The following EMC10 variants were observed in gnomAD, a reference collection of about 807,000 sequenced individuals.
EMC10 encodes ER membrane protein complex subunit 10.
EMC10 carries 40 observed loss-of-function variants against 32.2 expected under a neutral mutation model. That is an observed-to-expected ratio of 1.24 (90% confidence interval 0.96 to 1.61). EMC10 has a LOEUF of 1.61. Ranked by LOEUF, EMC10 falls within the 40% of genes most tolerant of loss-of-function variation. The pLI is 0.00. For missense variants in EMC10, 402 were observed against 357.7 expected (o/e 1.12, Z -1.00); for synonymous variants, 178 against 158.4 (o/e 1.12, Z -0.93).
rs1313834081 is a variant in EMC10 at position 50,484,699 on chromosome 19, A to AT, written c.*2442dup. On this transcript the variant is annotated 3_prime_UTR_variant, in exon 7 of 7. Coordinates refer to ENST00000334976, the MANE Select transcript of EMC10 (RefSeq NM_206538.4). ...TAGAGTAGGTTGGCCAGGCATAGTG[A>AT]TTCATGCTTGTAGTCCCAGCTGTTT... 2.6e-5 allele frequency: 4 copies of AT among 152,130 alleles called. No individual in the cohort carries two copies. The highest frequency in any genetic ancestry group is 5.9e-5 in the Non-Finnish European group (4 of 68,040). The allele number at this position is 152,130 out of a possible 1,614,324, so 9.4% of individuals were successfully genotyped here.
chr19:50,490,802 A>T lies in EMC10; in HGVS notation c.*8543A>T, dbSNP rs1283373965. ...GATGGCAGAGGCTTCGCTGCTGGAA[A>T]ATCAGACGCAGAGTACGAAACGCCT... On this transcript the variant is annotated 3_prime_UTR_variant, in exon 7 of 7. Transcript: ENST00000334976. 3 of 152,186 alleles carry T rather than the reference A, an allele frequency of 2.0e-5. No individual in the cohort carries two copies. Among genetic ancestry groups the T allele is most frequent in the Non-Finnish European group, 4.4e-5 (3 of 68,036 alleles). The allele number at this position is 152,186 out of a possible 1,614,324, so 9.4% of individuals were successfully genotyped here.
chr19:50,483,352 G>A lies in EMC10; in HGVS notation c.*1093G>A. On this transcript the variant is annotated 3_prime_UTR_variant, in exon 7 of 7. Coordinates refer to ENST00000334976, the MANE Select transcript of EMC10 (RefSeq NM_206538.4). ...AAACTGTCCCCCAGATCGACACGCA[G>A]CTAGCCTCCTGCATTGTATGGTTAT... 3.0e-6 allele frequency: 1 copy of A among 331,406 alleles called. No homozygotes were observed. Among genetic ancestry groups the A allele is most frequent in the South Asian group, 2.4e-5 (1 of 41,728 alleles). The allele number at this position is 331,406 out of a possible 1,614,324, so 20.5% of individuals were successfully genotyped here. A position where few individuals can be genotyped will look rare whatever the true frequency, so the allele number is the denominator to read the frequency against.
Position 50,482,298 on chromosome 19 carries a change from G to C in EMC10, c.*39G>C. The C allele has an allele frequency of 1.2e-6, 1 of 850,952 alleles. No homozygotes were observed. Among genetic ancestry groups the C allele is most frequent in the Non-Finnish European group, 1.9e-6 (1 of 530,222 alleles). 52.7% of individuals were successfully genotyped at this position (850,952 alleles called of 1,614,324 possible). Reference sequence around the variant, plus strand: ...TCAGCGTCCCGTCTTGCACACCCAGGGGCCTCCCTTTCTGCTGGAGTCCCC... The same window carrying C: ...TCAGCGTCCCGTCTTGCACACCCAGCGGCCTCCCTTTCTGCTGGAGTCCCC... On this transcript the variant is annotated 3_prime_UTR_variant, in exon 7 of 7. Transcript: ENST00000334976.
Position 50,483,448 on chromosome 19 carries a change from A to G in EMC10, c.*1189A>G. ...GGTTTGAATGATCTCGGGATGCATG[A>G]CTAAAATGGAATTACGATGGCAGAT... On this transcript the variant is annotated 3_prime_UTR_variant, in exon 7 of 7. Coordinates refer to ENST00000334976, the MANE Select transcript of EMC10 (RefSeq NM_206538.4). The G allele has an allele frequency of 5.8e-6, 1 of 171,936 alleles. No homozygotes were observed. The highest frequency in any genetic ancestry group is 1.2e-4 in the South Asian group (1 of 8,304). The allele number at this position is 171,936 out of a possible 1,614,324, so 10.7% of individuals were successfully genotyped here.
chr19:50,479,101 G>C, intron 3 of EMC10, 35 bp downstream of exon 3: 1 of 1,514,512 alleles, frequency 6.6e-7, no homozygotes, highest in East Asian at 2.4e-5. Context: ...GTGTGGATGG[G>C]GATGGAGGGT....
Position 50,483,260 on chromosome 19 carries a change from C to G in EMC10, c.*1001C>G. On this transcript the variant is annotated 3_prime_UTR_variant, in exon 7 of 7. Transcript: ENST00000334976. ...TCACTTGATACGTTATTCAGAAACC[C>G]AAGGAATGGCTGTCCCCATCCTCAT... 2.6e-6 allele frequency: 1 copy of G among 388,300 alleles called. No homozygotes were observed. The highest frequency in any genetic ancestry group is 5.3e-6 in the Non-Finnish European group (1 of 188,806). 24.1% of individuals were successfully genotyped at this position (388,300 alleles called of 1,614,324 possible). A position where few individuals can be genotyped will look rare whatever the true frequency, so the allele number is the denominator to read the frequency against.
rs773663513 is a variant in EMC10 at position 50,480,884 on chromosome 19, C to G, written c.585C>G (p.Gly195=). 25 of 1,604,472 alleles carry G rather than the reference C, an allele frequency of 1.6e-5. No individual in the cohort carries two copies. The East Asian group carries it at 4.7e-4, about 30-fold the overall frequency. ...TTCTCCTCCTCTCCCCTTGCCCCAG[C>G]CCTGAGACGGCGGCCTTCATTGAGC... ...VQLQPPTTAP[G]PETAAFIERL... The change falls in exon 6 of 7, where the codon GGC becomes GGG. Residue 195 remains glycine, a splice_region_variant and synonymous_variant. Coordinates refer to ENST00000334976, the MANE Select transcript of EMC10 (RefSeq NM_206538.4). The surrounding 1 kb of genome is among the most constrained non-coding windows in gnomAD (Gnocchi z 4.4).
At position 50,487,338 on chromosome 19, in the gene EMC10, G is replaced by A. The variant is rs1456855452; in HGVS notation, c.*5079G>A. 6.6e-6 allele frequency: 1 copy of A among 152,264 alleles called. No homozygotes were observed. The highest frequency in any genetic ancestry group is 1.5e-5 in the Non-Finnish European group (1 of 68,078). The allele number at this position is 152,264 out of a possible 1,614,324, so 9.4% of individuals were successfully genotyped here. On this transcript the variant is annotated 3_prime_UTR_variant, in exon 7 of 7. Transcript: ENST00000334976. Reference sequence around the variant, plus strand: ...AGGCCAGGGATCGGCAGATTCAGGAGCCCACTCCTGGCCAACCCCAGGGGC... The same window carrying A: ...AGGCCAGGGATCGGCAGATTCAGGAACCCACTCCTGGCCAACCCCAGGGGC...
Position 50,480,858 on chromosome 19 carries a change from C to T in EMC10, c.585-26C>T, listed in dbSNP as rs745422496. ...AGGTCCCTGGACTCCGGGCCTCACCCTTCTCCTCCTCTCCCCTTGCCCCAG... is the reference window on the plus strand; with the variant it reads ...AGGTCCCTGGACTCCGGGCCTCACCTTTCTCCTCCTCTCCCCTTGCCCCAG... On this transcript the variant is annotated intron_variant, in intron 5 of 6. Coordinates refer to ENST00000334976, the MANE Select transcript of EMC10 (RefSeq NM_206538.4). This position sits in a 1 kb window ranked among gnomAD's most constrained non-coding sequence, Gnocchi z 4.4. 7 of 1,584,632 alleles carry T rather than the reference C, an allele frequency of 4.4e-6. No individual in the cohort carries two copies. The highest frequency in any genetic ancestry group is 4.3e-6 in the Non-Finnish European group (5 of 1,162,204).
In EMC10 at chr19:50,482,860, G is replaced by A. The variant is rs142322512; in HGVS notation, c.*601G>A. On this transcript the variant is annotated 3_prime_UTR_variant, in exon 7 of 7. Coordinates refer to ENST00000334976, the MANE Select transcript of EMC10 (RefSeq NM_206538.4). Reference sequence around the variant, plus strand: ...CGCCTAGTGCAGCCCCTGGGGTCGTGGTTTGACATTTGTCTGCCTGGTGCA... The same window carrying A: ...CGCCTAGTGCAGCCCCTGGGGTCGTAGTTTGACATTTGTCTGCCTGGTGCA... The A allele has an allele frequency of 7.0e-4, 382 of 547,542 alleles. 2 individuals are homozygous for A. Among genetic ancestry groups the A allele is most frequent in the African/African-American group, 6.5e-3 (338 of 52,340 alleles). The allele number at this position is 547,542 out of a possible 1,614,324, so 33.9% of individuals were successfully genotyped here. A position where few individuals can be genotyped will look rare whatever the true frequency, so the allele number is the denominator to read the frequency against.
rs1221701159 is a variant in EMC10 at position 50,490,848 on chromosome 19, A to G, written c.*8589A>G. On this transcript the variant is annotated 3_prime_UTR_variant, in exon 7 of 7. Coordinates refer to ENST00000334976, the MANE Select transcript of EMC10 (RefSeq NM_206538.4). ...CGCCTGTGCTCACTATGTTAATAAT[A>G]ATAATAAAAGGCAAAAAACCAGGCT... The G allele has an allele frequency of 6.6e-6, 1 of 152,120 alleles. No homozygotes were observed. The highest frequency in any genetic ancestry group is 2.4e-5 in the African/African-American group (1 of 41,408). The allele number at this position is 152,120 out of a possible 1,614,324, so 9.4% of individuals were successfully genotyped here.
At chr19:50,481,875 G>T (rs754075492) in intron 6 of EMC10, 250 of 1,575,292 alleles carry the variant, frequency 1.6e-4, no homozygotes, top group Non-Finnish European at 2.0e-4. Flanking sequence ...ACATCATCCT[G>T]GGGGGGGCCG....
rs562753661 is a variant in EMC10, at chr19:50,477,910, C to T, written c.115-19C>T. The T allele has an allele frequency of 5.5e-5, 87 of 1,592,112 alleles. No individual in the cohort carries two copies. The South Asian group carries it at 9.5e-4, about 17-fold the overall frequency. On this transcript the variant is annotated intron_variant, in intron 1 of 6. Transcript: ENST00000334976. ...GGGCTTGGGTGGTCCTCACCTGGGG[C>T]CTTCTGTGTCCTCTGCAGGCTGGGG...
intron 1 of EMC10, 48 bp from the exon 2 acceptor site, chr19:50,477,881 C>T: frequency 6.6e-7 from 1 of 1,515,282 alleles, no homozygotes; most frequent in Non-Finnish European, 9.0e-7. Flanking sequence ...GACTACTATG[C>T]TGAGGGCTTG....
Position 50,480,456 on chromosome 19 carries a change from G to T in EMC10, c.403-125G>T. ...GGGGCGGTTGAACTTGGGCCTGAGG[G>T]TAACAGGGAGCCATGGGAAGGTTTT... On this transcript the variant is annotated intron_variant, in intron 4 of 6. Coordinates refer to ENST00000334976, the MANE Select transcript of EMC10 (RefSeq NM_206538.4). This position sits in a 1 kb window ranked among gnomAD's most constrained non-coding sequence, Gnocchi z 4.4. 2 of 1,219,982 alleles carry T rather than the reference G, an allele frequency of 1.6e-6. No individual in the cohort carries two copies. Among genetic ancestry groups the T allele is most frequent in the African/African-American group, 1.5e-5 (1 of 65,832 alleles). The allele number at this position is 1,219,982 out of a possible 1,614,324, so 75.6% of individuals were successfully genotyped here. A position where few individuals can be genotyped will look rare whatever the true frequency, so the allele number is the denominator to read the frequency against.
In EMC10 at chr19:50,484,184, C is replaced by T. The variant is rs1019634673; in HGVS notation, c.*1925C>T. ...CGGGGATTGCAGGCGCCCGCCAACA[C>T]ACCTGGCTAATTTTTGTATTGTTAG... On this transcript the variant is annotated 3_prime_UTR_variant, in exon 7 of 7. Transcript: ENST00000334976. 1.3e-5 allele frequency: 2 copies of T among 151,950 alleles called. No individual in the cohort carries two copies. The highest frequency in any genetic ancestry group is 1.3e-4 in the Admixed American group (2 of 15,238). The allele number at this position is 151,950 out of a possible 1,614,324, so 9.4% of individuals were successfully genotyped here.
At chr19:50,481,662 C>T in intron 6 of EMC10, 1 of 576,890 alleles carries the variant, frequency 1.7e-6, no homozygotes, top group East Asian at 3.0e-5. Context: ...CCCTGCTGTG[C>T]TGAGTGCCCT....
Position 50,480,698 on chromosome 19 carries a change from G to C in EMC10, c.520G>C (p.Glu174Gln). ...HPGGCRGHEV[E>Q]DVDLELFNTS... Reference sequence around the variant, plus strand: ...CGGGGGCTGCCGGGGCCATGAGGTGGAGGACGTGGACCTGGAGCTGTTCAA... The same window carrying C: ...CGGGGGCTGCCGGGGCCATGAGGTGCAGGACGTGGACCTGGAGCTGTTCAA... Residue 174 changes from glutamate (E) to glutamine (Q), a missense_variant, in exon 5 of 7, where the codon GAG becomes CAG. Physicochemically the swap from Glu to Gln is conservative, Grantham distance 29 (BLOSUM62 2). Transcript: ENST00000334976. The surrounding 1 kb of genome is among the most constrained non-coding windows in gnomAD (Gnocchi z 4.4). 1 of 1,604,822 alleles carries C rather than the reference G, an allele frequency of 6.2e-7. No individual in the cohort carries two copies. The highest frequency in any genetic ancestry group is 8.5e-7 in the Non-Finnish European group (1 of 1,176,820).
rs2040310404 is a variant in EMC10 at position 50,480,931 on chromosome 19, A to C, written c.632A>C (p.Gln211Pro). 1 of 1,613,012 alleles carries C rather than the reference A, an allele frequency of 6.2e-7. No individual in the cohort carries two copies. The change falls in exon 6 of 7, where the codon CAG becomes CCG. Residue 211 changes from glutamine to proline, a missense_variant. Physicochemically the swap from Gln to Pro is moderately conservative, Grantham distance 76. Transcript: ENST00000334976. The surrounding 1 kb of genome is among the most constrained non-coding windows in gnomAD (Gnocchi z 4.4). Reference sequence around the variant, plus strand: ...GAGCGCCTGGAGATGGAACAGGCCCAGAAGGCCAAGAACCCCCAGGAGCAG... The same window carrying C: ...GAGCGCCTGGAGATGGAACAGGCCCCGAAGGCCAAGAACCCCCAGGAGCAG... ...FIERLEMEQA[Q>P]KAKNPQEQKS... is the part of the protein sequence containing the mutation.
Sources: gnomAD v4.1 joint callset for allele counts on GRCh38, gnomAD v4.1.1 for gene constraint, Gnocchi (gnomAD v3.1) non-coding constraint, MANE v1.5 for transcripts, NCBI Gene and HGNC (gene_info 2026-07-23, HGNC 2026-07-21) for gene names.